The following TSHZ2 variants were observed in gnomAD, a reference collection of about 807,000 sequenced individuals.
The protein encoded by TSHZ2 is teashirt homolog 2.
TSHZ2 carries 21 observed loss-of-function variants against 74.4 expected under a neutral mutation model. The ratio of observed to expected loss-of-function variants is 0.28; its 90% CI spans 0.20 to 0.41. The LOEUF is 0.41. Ranked by LOEUF, TSHZ2 falls within the 10% of genes least tolerant of loss-of-function variation. The pLI, the probability that TSHZ2 is intolerant of heterozygous loss-of-function variation, is 1.00. For missense variants in TSHZ2, 1,244 were observed against 1,293.5 expected, an observed-to-expected ratio of 0.96 and a Z score of 0.59; for synonymous variants, 540 against 515.3, an observed-to-expected ratio of 1.05 and a Z score of -0.65.
At chr20:53,181,641 C>A (rs1020166526) in intron 1 of TSHZ2, among the ~76,000 whole-genome samples, 3 of 152,186 alleles carry the variant, frequency 2.0e-5, no homozygotes, top group African/African-American at 7.2e-5. Context: ...CTGATCCCAG[C>A]ACTTTGGGAG....
rs189003506 is a variant in TSHZ2, at chr20:53,190,693, G to A, written c.41-62806G>A. Among the ~76,000 whole-genome samples the A allele has an allele frequency of 2.0e-5, 3 of 152,314 alleles. No homozygotes were observed. In the East Asian group the frequency reaches 5.8e-4, roughly 29 times the overall value. On this transcript the variant is annotated intron_variant, in intron 1 of 2. Transcript: ENST00000371497. ...AACTGCAAGATTGATAGATGATGCA[G>A]TTTTAATGTATGTGAAGTTCAAAAC...
chr20:53,403,054 C>G (rs932193223), intron 2 of TSHZ2, among the ~76,000 whole-genome samples: 1 of 152,180 alleles, frequency 6.6e-6, no homozygotes, highest in African/African-American at 2.4e-5. Context: ...AACCCACGCT[C>G]CCTTCCCTCC....
intron 2 of TSHZ2, among the ~76,000 whole-genome samples, chr20:53,310,577 G>A (rs1008322853): frequency 6.6e-6 from 1 of 152,168 alleles, no homozygotes; most frequent in African/African-American, 2.4e-5. Context: ...GTTTGACTGG[G>A]GAAAGACCCA....
At position 53,319,325 on chromosome 20, in the gene TSHZ2, TC is replaced by T. The variant is rs1328163333; in HGVS notation, c.*8+62756del. 3.3e-5 allele frequency among the ~76,000 whole-genome samples: 5 copies of T among 152,358 alleles called. No individual in the cohort carries two copies. The South Asian group carries it at 1.0e-3, about 32-fold the overall frequency. The stretch of plus-strand genomic sequence containing the variant: ...TGCTTACTACAGGCCAGGCATTATC[TC>T]CAGTACTTTGTATATGCATTAAATG... On this transcript the variant is annotated intron_variant, in intron 2 of 2. Coordinates refer to ENST00000371497, the MANE Select transcript of TSHZ2 (RefSeq NM_173485.6).
At chr20:53,436,545 A>ATT (rs1430483512) in intron 2 of TSHZ2, among the ~76,000 whole-genome samples, 19 of 101,958 alleles carry the variant, frequency 1.9e-4, no homozygotes, top group African/African-American at 4.1e-4. Context: ...TATTATTATT[A>ATT]TTATTTTTTT....
At chr20:53,082,142 A>G (rs959122711) in intron 1 of TSHZ2, among the ~76,000 whole-genome samples, 5 of 152,198 alleles carry the variant, frequency 3.3e-5, no homozygotes, top group African/African-American at 1.2e-4. Flanking sequence ...CAGCTTCAAC[A>G]TTACAAAAAT....
chr20:53,077,429 A>G (rs1985401952), intron 1 of TSHZ2, among the ~76,000 whole-genome samples: 1 of 148,814 alleles, frequency 6.7e-6, no homozygotes, highest in Non-Finnish European at 1.5e-5. Flanking sequence ...AAAAAAAAAG[A>G]TAATACTCTG....
intron 1 of TSHZ2, among the ~76,000 whole-genome samples, chr20:53,247,646 C>T (rs1254231210): frequency 1.3e-5 from 2 of 152,310 alleles, no homozygotes; most frequent in East Asian, 1.9e-4. Context: ...ACTGGGTACA[C>T]GCTGAGAAAT....
At chr20:53,330,427 A>C (rs1004812482) in intron 2 of TSHZ2, among the ~76,000 whole-genome samples, 8 of 152,214 alleles carry the variant, frequency 5.3e-5, no homozygotes, top group African/African-American at 1.9e-4. Flanking sequence ...TAAGAGTGAT[A>C]ATAATGAGAA....
chr20:52,995,103 C>G (rs1982133143), intron 1 of TSHZ2, among the ~76,000 whole-genome samples: 1 of 152,174 alleles, frequency 6.6e-6, no homozygotes. Context: ...AGAGGTCAAA[C>G]TTTTTTATCT....
At chr20:53,003,483 G>A (rs1046338739) in intron 1 of TSHZ2, among the ~76,000 whole-genome samples, 2 of 152,050 alleles carry the variant, frequency 1.3e-5, no homozygotes, top group African/African-American at 4.8e-5. Context: ...AAACTGGCAC[G>A]CCTGTAATCT....
chr20:53,363,657 A>G (rs1442405428), intron 2 of TSHZ2, among the ~76,000 whole-genome samples: 3 of 152,200 alleles, frequency 2.0e-5, no homozygotes, highest in Non-Finnish European at 4.4e-5. Flanking sequence ...AGATAGAAAC[A>G]TCTTTTGTGA....
intron 1 of TSHZ2, among the ~76,000 whole-genome samples, chr20:53,108,864 C>T (rs1249145938): frequency 6.6e-6 from 1 of 152,118 alleles, no homozygotes; most frequent in African/African-American, 2.4e-5. Context: ...CTTCAGTGTC[C>T]CTGGTTCGCC....
chr20:53,055,952 A>C (rs1001281261), intron 1 of TSHZ2, among the ~76,000 whole-genome samples: 1 of 152,218 alleles, frequency 6.6e-6, no homozygotes, highest in African/African-American at 2.4e-5. Context: ...ACTATTTACT[A>C]TCTGGCCCTT....
intron 1 of TSHZ2, among the ~76,000 whole-genome samples, chr20:53,150,049 G>A (rs554661514): frequency 4.6e-5 from 7 of 152,264 alleles, no homozygotes; most frequent in South Asian, 2.1e-4. Flanking sequence ...CCTATGTGCC[G>A]GACACTGCGG....
At chr20:53,181,390 A>T (rs1988464193) in intron 1 of TSHZ2, among the ~76,000 whole-genome samples, 1 of 152,238 alleles carries the variant, frequency 6.6e-6, no homozygotes, top group South Asian at 2.1e-4. Flanking sequence ...CACAAACAAC[A>T]GACTGGAAGA....
chr20:53,326,471 G>A (rs925149264), intron 2 of TSHZ2, among the ~76,000 whole-genome samples: 3 of 152,168 alleles, frequency 2.0e-5, no homozygotes, highest in Non-Finnish European at 4.4e-5. Flanking sequence ...GCCCATGATA[G>A]AGGTGCAGTA....
chr20:53,139,634 G>C (rs1394317286), intron 1 of TSHZ2, among the ~76,000 whole-genome samples: 1 of 152,216 alleles, frequency 6.6e-6, no homozygotes, highest in Non-Finnish European at 1.5e-5. Flanking sequence ...TTTCGTGTCA[G>C]ATAGAGGGCT....
chr20:53,321,697 A>G (rs112359896), intron 2 of TSHZ2, among the ~76,000 whole-genome samples: 21 of 140,546 alleles, frequency 1.5e-4, no homozygotes, highest in Admixed American at 8.2e-4. Flanking sequence ...AAAAAAAAAA[A>G]AAAGAAAGAC....
Sources: allele counts gnomAD v4.1 joint callset (sites outside exome capture counted in the v4.1 genomes callset), GRCh38; gene constraint gnomAD v4.1.1; transcripts MANE v1.5; gene names NCBI Gene and HGNC (gene_info 2026-07-23, HGNC 2026-07-21).